The following NEB variants were observed in gnomAD, a reference collection of about 807,000 sequenced individuals.
NEB encodes nebulin, also known as nemaline myopathy type 2.
In NEB, 512 loss-of-function variants were observed where a neutral mutation model predicts 952.2. The observed-to-expected ratio is 0.54, with a 90% CI of 0.50 to 0.58. The LOEUF (loss-of-function observed/expected upper bound fraction) is 0.58. NEB is among the 20% of genes least tolerant of loss of function. NEB has a pLI of 0.00. For synonymous variants in NEB, 2,900 were observed against 3,149.8 expected (o/e 0.92, Z 2.66); for missense variants, 8,428 against 9,231.1 (o/e 0.91, Z 3.56).
At chr2:151,631,053 G>A (rs977264942) in intron 66 of NEB, 90 bp downstream of exon 66, 25 of 1,510,212 alleles carry the variant, frequency 1.7e-5, no homozygotes, top group Admixed American at 1.1e-4. Context: ...GCGACCCCAC[G>A]CCTTCATAGA....
chr2:151,551,303 C>T (rs543071934), intron 129 of NEB, among the ~76,000 whole-genome samples: 2 of 152,240 alleles, frequency 1.3e-5, no homozygotes, highest in Admixed American at 1.3e-4. Flanking sequence ...TGGGAAATAA[C>T]ATGAAAAGTT....
chr2:151,522,569 T>C (rs1241063503), intron 153 of NEB, among the ~76,000 whole-genome samples: 3 of 152,150 alleles, frequency 2.0e-5, no homozygotes, highest in Non-Finnish European at 4.4e-5. Flanking sequence ...AAGAAGGGTG[T>C]ATGCAAAAGT....
chr2:151,566,985 T>G (rs1290864745), intron 114 of NEB, among the ~76,000 whole-genome samples, 183 bp downstream of exon 114: 1 of 152,194 alleles, frequency 6.6e-6, no homozygotes, highest in African/African-American at 2.4e-5. Context: ...ATGCAGTCAG[T>G]AGGCAAACCA....
chr2:151,697,764 G>A, intron 13 of NEB, 116 bp from the exon 14 acceptor site: 1 of 745,350 alleles, frequency 1.3e-6, no homozygotes. Context: ...CCTGTCAACT[G>A]TCTTAAAAAC....
chr2:151,487,153 T>G lies in NEB; in HGVS notation c.25405-1220A>C, dbSNP rs375383335. 3.3e-5 allele frequency among the ~76,000 whole-genome samples: 5 copies of G among 152,302 alleles called. No individual in the cohort carries two copies. In the East Asian group the frequency reaches 5.8e-4, roughly 18 times the overall value. On this transcript the variant is annotated intron_variant, in intron 181 of 181. Coordinates refer to ENST00000397345, the MANE Select transcript of NEB (RefSeq NM_001164508.2). ...ACCTTTCGAAGAGGTCAGTCTTGTA[T>G]TTTAGAGAAGAATTTGAAAACCCGT...
At chr2:151,633,560 T>C in intron 65 of NEB, 94 bp downstream of exon 65, 1 of 1,455,562 alleles carries the variant, frequency 6.9e-7, no homozygotes, top group South Asian at 1.4e-5. Flanking sequence ...GACCAATCAA[T>C]CTTAACTTGA....
intron 63 of NEB, among the ~76,000 whole-genome samples, chr2:151,637,981 T>C (rs2098793613): frequency 6.6e-6 from 1 of 152,224 alleles, no homozygotes; most frequent in African/African-American, 2.4e-5. Flanking sequence ...TTTTCCTTGC[T>C]GGTGGCACAA....
At chr2:151,690,395 C>T (rs1007408079) in intron 24 of NEB, 4 of 242,964 alleles carry the variant, frequency 1.6e-5, no homozygotes, top group African/African-American at 4.6e-5. Context: ...TTTGCCTTGT[C>T]CTACACAAAT....
At chr2:151,535,926 G>A in intron 141 of NEB, 131 bp from the exon 142 acceptor site, 1 of 590,300 alleles carries the variant, frequency 1.7e-6, no homozygotes, top group South Asian at 2.1e-5. Context: ...TGTTTGTTTT[G>A]AGACAGGGTT....
At chr2:151,541,275 A>G (rs932417149) in intron 136 of NEB, among the ~76,000 whole-genome samples, 172 bp downstream of exon 136, 1 of 152,214 alleles carries the variant, frequency 6.6e-6, no homozygotes. Context: ...AAACACAACC[A>G]TAATTATCAT....
intron 117 of NEB, among the ~76,000 whole-genome samples, 175 bp from the exon 118 acceptor site, chr2:151,564,105 T>C (rs897340603): frequency 6.6e-6 from 1 of 152,172 alleles, no homozygotes; most frequent in African/African-American, 2.4e-5. Flanking sequence ...TTATTGCAAA[T>C]TAAACTTACA....
At chr2:151,627,299 A>T in intron 69 of NEB, 94 bp from the exon 70 acceptor site, 2 of 1,447,890 alleles carry the variant, frequency 1.4e-6, no homozygotes, top group Non-Finnish European at 1.9e-6. Flanking sequence ...TGGATAGTCA[A>T]ATTTCATGTA....
At chr2:151,706,841 C>T (rs764448360) in intron 13 of NEB, 40 bp downstream of exon 13, 8 of 1,409,320 alleles carry the variant, frequency 5.7e-6, no homozygotes, top group Non-Finnish European at 5.9e-6. Flanking sequence ...ATCTCTTTTG[C>T]AGCTAAGGTT....
In NEB at chr2:151,679,979, T is replaced by C; in HGVS notation, c.3086A>G (p.Asn1029Ser). The C allele has an allele frequency of 6.2e-7, 1 of 1,613,648 alleles. No individual in the cohort carries two copies. Among genetic ancestry groups the C allele is most frequent in the Admixed American group, 1.7e-5 (1 of 60,008 alleles). Residue 1029 changes from asparagine to serine, a missense_variant, in exon 31 of 182, where the codon AAC becomes AGC. By Grantham distance (46) the Asn-to-Ser change is conservative. This residue lies in a region of NEB where 2,851 missense variants were observed against 2,791.5 expected (regional missense o/e 1.02). Coordinates refer to ENST00000397345, the MANE Select transcript of NEB (RefSeq NM_001164508.2). ...GAACTGGGGCAGGTCTGGTGGCAGG[T>C]TGTATTTGTGAATAATTTCCTCTCC... ...AKGEEIIHKYNLPPDLPQFIQ... is the reference protein window; with the variant it reads ...AKGEEIIHKYSLPPDLPQFIQ...
In NEB at chr2:151,700,840, C is replaced by A. The variant is rs1467379740; in HGVS notation, c.1153-3192G>T. On this transcript the variant is annotated intron_variant, in intron 13 of 181. Coordinates refer to ENST00000397345, the MANE Select transcript of NEB (RefSeq NM_001164508.2). ...GACAATTTGACTTCCTCTTTTCCTA[C>A]TTGAATACCCTTTATTTCCTTCTCC... Among the ~76,000 whole-genome samples, 7 of 127,324 alleles carry A rather than the reference C, an allele frequency of 5.5e-5. No individual in the cohort carries two copies. In the East Asian group the frequency reaches 1.1e-3, roughly 19 times the overall value. 83.5% of individuals were successfully genotyped at this position (127,324 alleles called of 152,430 possible).
At chr2:151,549,565 G>A (rs1376856605) in intron 130 of NEB, 71 bp downstream of exon 130, 1 of 962,772 alleles carries the variant, frequency 1.0e-6, no homozygotes, top group African/African-American at 1.6e-5. Flanking sequence ...GATTAGAACA[G>A]GCTATTAATT....
Position 151,664,863 on chromosome 2 carries a change from T to C in NEB, c.5239A>G (p.Arg1747Gly), listed in dbSNP as rs1272476034. Reference protein sequence around the residue: ...NKSNKLNMDKRLYTEKWNKDK... With the variant: ...NKSNKLNMDKGLYTEKWNKDK... ...TTGTTCCATTTTTCAGTGTAGAGCC[T>C]CTGCAATGAGAAAGTCAGGTGCATG... Residue 1747 changes from arginine to glycine, a missense_variant and splice_region_variant, in exon 43 of 182, where the codon AGG becomes GGG. This residue lies in a region of NEB where 2,851 missense variants were observed against 2,791.5 expected (regional missense o/e 1.02). Transcript: ENST00000397345. 1 of 1,602,112 alleles carries C rather than the reference T, an allele frequency of 6.2e-7. No individual in the cohort carries two copies. Among genetic ancestry groups the C allele is most frequent in the Admixed American group, 1.7e-5 (1 of 59,310 alleles).
intron 52 of NEB, among the ~76,000 whole-genome samples, chr2:151,652,471 T>C (rs1334643335): frequency 6.6e-6 from 1 of 152,144 alleles, no homozygotes. Context: ...ATCATCTTCC[T>C]GCCTTGGCCT....
Position 151,565,542 on chromosome 2 carries a change from C to G in NEB, c.18325G>C (p.Glu6109Gln). 6.2e-7 allele frequency: 1 copy of G among 1,602,816 alleles called. No individual in the cohort carries two copies. Among genetic ancestry groups the G allele is most frequent in the Non-Finnish European group, 8.5e-7 (1 of 1,170,716 alleles). The change falls in exon 116 of 182, where the codon GAG becomes CAG. Residue 6109 changes from glutamate to glutamine, a missense_variant. By Grantham distance (29) the Glu-to-Gln change is conservative. Coordinates refer to ENST00000397345, the MANE Select transcript of NEB (RefSeq NM_001164508.2). ...GAATTAATCTTGGCTAAAACAATCT[C>G]TGGAGGATCCACCACACTTCTAAAG... is the stretch of plus-strand genomic sequence containing the variant. Reference protein sequence around the residue: ...PNFRSVVDPPEIVLAKINSVN... With the variant: ...PNFRSVVDPPQIVLAKINSVN...
Sources: allele counts gnomAD v4.1 joint callset (sites outside exome capture counted in the v4.1 genomes callset), GRCh38; gene constraint gnomAD v4.1.1; regional missense constraint gnomAD v4.1.1; transcripts MANE v1.5; gene names NCBI Gene and HGNC (gene_info 2026-07-23, HGNC 2026-07-21).